The following UGT1A10 variants were observed in gnomAD, a reference collection of about 807,000 sequenced individuals.
The protein encoded by UGT1A10 is UDP-glucuronosyltransferase 1A10.
UGT1A10 carries 49 observed loss-of-function variants against 45.8 expected under a neutral mutation model. The observed-to-expected ratio is 1.07, with a 90% CI of 0.85 to 1.36. The LOEUF is 1.36. UGT1A10 is among the 40% of genes most tolerant of loss of function. The pLI, the probability that UGT1A10 is intolerant of heterozygous loss-of-function variation, is 0.00. For synonymous variants in UGT1A10, 284 were observed against 249.7 expected (o/e 1.14, Z -1.29); for missense variants, 745 against 668.6 (o/e 1.11, Z -1.26).
intron 1 of UGT1A10, among the ~76,000 whole-genome samples, chr2:233,638,561 T>G (rs554941297): frequency 1.3e-5 from 2 of 152,216 alleles, no homozygotes; most frequent in African/African-American, 2.4e-5. Context: ...GGGATTCGGT[T>G]GCTTGTGACT....
At chr2:233,757,297 T>G (rs1200339866) in intron 1 of UGT1A10, among the ~76,000 whole-genome samples, 15 of 102,166 alleles carry the variant, frequency 1.5e-4, no homozygotes, top group South Asian at 3.6e-4. Context: ...CAGCTGGGGG[T>G]TGGGGGACAG....
intron 1 of UGT1A10, among the ~76,000 whole-genome samples, chr2:233,764,026 T>C (rs980223655): frequency 5.3e-5 from 8 of 152,158 alleles, no homozygotes; most frequent in African/African-American, 1.9e-4. Flanking sequence ...GGTGTCTAAG[T>C]GCTAAAGAAG....
chr2:233,751,386 C>T (rs1694713563), intron 1 of UGT1A10, among the ~76,000 whole-genome samples: 1 of 152,086 alleles, frequency 6.6e-6, no homozygotes, highest in African/African-American at 2.4e-5. Flanking sequence ...TGCCTTGTCT[C>T]AGATAAGACT....
intron 1 of UGT1A10, among the ~76,000 whole-genome samples, chr2:233,695,285 C>T (rs1269928207): frequency 6.6e-6 from 1 of 152,000 alleles, no homozygotes; most frequent in Non-Finnish European, 1.5e-5. Flanking sequence ...GCCACCATTC[C>T]CAGCTAATTT....
chr2:233,769,773 T>C lies in UGT1A10; in HGVS notation c.1295+1334T>C. 4 of 1,392,024 alleles carry C rather than the reference T, an allele frequency of 2.9e-6. No individual in the cohort carries two copies. Among genetic ancestry groups the C allele is most frequent in the Non-Finnish European group, 2.8e-6 (3 of 1,065,432 alleles). 86.2% of individuals were successfully genotyped at this position (1,392,024 alleles called of 1,614,324 possible). A position where few individuals can be genotyped will look rare whatever the true frequency, so the allele number is the denominator to read the frequency against. ...TGGAGGCTAAGGCGGGAGGATTGCTTGAGCCCAGAAGTTGGAGGCTGCTAT... is the reference window on the plus strand; with the variant it reads ...TGGAGGCTAAGGCGGGAGGATTGCTCGAGCCCAGAAGTTGGAGGCTGCTAT... On this transcript the variant is annotated intron_variant, in intron 4 of 4. Transcript: ENST00000344644. This position sits in a 1 kb window ranked among gnomAD's most constrained non-coding sequence, Gnocchi z 4.4.
chr2:233,724,528 C>G (rs1239231307), intron 1 of UGT1A10, among the ~76,000 whole-genome samples: 1 of 112,802 alleles, frequency 8.9e-6, no homozygotes, highest in African/African-American at 3.8e-5. Flanking sequence ...GATGGGGTCT[C>G]GCCGGGCAGA....
At chr2:233,721,362 A>G (rs1341884248) in intron 1 of UGT1A10, among the ~76,000 whole-genome samples, 1 of 152,182 alleles carries the variant, frequency 6.6e-6, no homozygotes, top group Non-Finnish European at 1.5e-5. Flanking sequence ...ACTGAACTGC[A>G]CTGGCTCAAA....
intron 1 of UGT1A10, among the ~76,000 whole-genome samples, chr2:233,651,715 C>A (rs2073745317): frequency 2.0e-5 from 3 of 152,216 alleles, no homozygotes; most frequent in African/African-American, 7.2e-5. Flanking sequence ...TCTTGCTGGA[C>A]AACAGGAGTC....
At chr2:233,729,381 C>T (rs141683822) in intron 1 of UGT1A10, 80 of 1,613,822 alleles carry the variant, frequency 5.0e-5, no homozygotes, top group Non-Finnish European at 6.7e-5. Flanking sequence ...TTTCGTGGAC[C>T]CAGGATGAAT....
intron 1 of UGT1A10, among the ~76,000 whole-genome samples, chr2:233,644,473 T>C (rs566903853): frequency 6.6e-6 from 1 of 152,106 alleles, no homozygotes; most frequent in East Asian, 1.9e-4. Context: ...GAAGCAGAGA[T>C]TCGCTTGAAC....
At chr2:233,637,587 A>G (rs1362792133) in intron 1 of UGT1A10, among the ~76,000 whole-genome samples, 2 of 152,248 alleles carry the variant, frequency 1.3e-5, no homozygotes, top group African/African-American at 2.4e-5. Context: ...TAATTTAAAA[A>G]TTATAGATCA....
At chr2:233,714,045 A>G (rs963415304) in intron 1 of UGT1A10, among the ~76,000 whole-genome samples, 1 of 152,156 alleles carries the variant, frequency 6.6e-6, no homozygotes, top group Non-Finnish European at 1.5e-5. Context: ...CAGGGTTTCA[A>G]TGGCCACTGA....
chr2:233,710,202 T>C (rs1002766635), intron 1 of UGT1A10, among the ~76,000 whole-genome samples: 1 of 152,262 alleles, frequency 6.6e-6, no homozygotes, highest in African/African-American at 2.4e-5. Context: ...TTTCCAGTTG[T>C]TGGCTATTAT....
chr2:233,675,642 GT>G (rs961172553), intron 1 of UGT1A10, among the ~76,000 whole-genome samples: 2 of 152,210 alleles, frequency 1.3e-5, no homozygotes, highest in African/African-American at 4.8e-5. Flanking sequence ...TATTTTCAAA[GT>G]TTTCAAACAT....
At chr2:233,650,682 T>G (rs1257227436) in intron 1 of UGT1A10, among the ~76,000 whole-genome samples, 1 of 152,254 alleles carries the variant, frequency 6.6e-6, no homozygotes, top group Non-Finnish European at 1.5e-5. Flanking sequence ...ATAAATTTTA[T>G]GCTATTGCTT....
chr2:233,748,129 T>C, intron 1 of UGT1A10: 1 of 1,610,122 alleles, frequency 6.2e-7, no homozygotes, highest in Non-Finnish European at 8.5e-7. Flanking sequence ...AAACAGTTTT[T>C]AAAAATTGTA....
chr2:233,681,380 A>G (rs1415274445), intron 1 of UGT1A10, among the ~76,000 whole-genome samples: 1 of 151,918 alleles, frequency 6.6e-6, no homozygotes, highest in Non-Finnish European at 1.5e-5. Flanking sequence ...CTAAAATACA[A>G]AAAGTTAGCT....
intron 1 of UGT1A10, chr2:233,693,359 A>T: frequency 6.2e-7 from 1 of 1,614,208 alleles, no homozygotes; most frequent in Non-Finnish European, 8.5e-7. Context: ...CATGATTGTT[A>T]TTGGCCTGTA....
At chr2:233,710,958 T>C (rs2076155370) in intron 1 of UGT1A10, among the ~76,000 whole-genome samples, 1 of 152,220 alleles carries the variant, frequency 6.6e-6, no homozygotes, top group Non-Finnish European at 1.5e-5. Context: ...GTCTCTGAGA[T>C]TGGCAGAGGG....
Sources: gnomAD v4.1 joint callset for allele counts (sites outside exome capture counted in the v4.1 genomes callset) on GRCh38, gnomAD v4.1.1 for gene constraint, Gnocchi (gnomAD v3.1) non-coding constraint, MANE v1.5 for transcripts, NCBI Gene and HGNC (gene_info 2026-07-23, HGNC 2026-07-21) for gene names.